ATP2B1: variants seen among roughly 807,000 people sequenced by gnomAD.
ATP2B1 encodes plasma membrane calcium-transporting ATPase 1.
Under a neutral mutation model 124.2 loss-of-function variants are expected in ATP2B1, and 14 were observed. The observed-to-expected ratio is 0.11, with a 90% CI of 0.07 to 0.18. The LOEUF is 0.18. Ranked by LOEUF, ATP2B1 falls within the 10% of genes least tolerant of loss-of-function variation. The pLI, the probability that ATP2B1 is intolerant of heterozygous loss-of-function variation, is 1.00. For synonymous variants in ATP2B1, 449 were observed against 492.4 expected (o/e 0.91, Z 1.17); for missense variants, 763 against 1,466.1 (o/e 0.52, Z 7.83).
At chr12:89,693,095 C>A (rs1022794467) in intron 1 of ATP2B1, among the ~76,000 whole-genome samples, 2 of 152,148 alleles carry the variant, frequency 1.3e-5, no homozygotes, top group Non-Finnish European at 2.9e-5. Flanking sequence ...ACTGTTATTT[C>A]AGAATTAAGT....
intron 1 of ATP2B1, among the ~76,000 whole-genome samples, chr12:89,671,713 T>C (rs1386778950): frequency 1.3e-5 from 2 of 151,182 alleles, no homozygotes; most frequent in Non-Finnish European, 2.9e-5. Flanking sequence ...TCCCATGTGG[T>C]AAATCTACAG....
chr12:89,661,379 T>G (rs73198547), intron 1 of ATP2B1, among the ~76,000 whole-genome samples: 7,213 of 152,254 alleles, frequency 0.047, 259 homozygotes, highest in East Asian at 0.098. Flanking sequence ...ATTCTAGAAT[T>G]TAACAGCTAA....
At chr12:89,592,717 A>G (rs988666094) in intron 20 of ATP2B1, among the ~76,000 whole-genome samples, 1 of 152,112 alleles carries the variant, frequency 6.6e-6, no homozygotes, top group African/African-American at 2.4e-5. Context: ...TAGCAATGGT[A>G]CTTGCCTTAC....
At chr12:89,667,760 A>C (rs1295361095) in intron 1 of ATP2B1, among the ~76,000 whole-genome samples, 1 of 152,238 alleles carries the variant, frequency 6.6e-6, no homozygotes, top group East Asian at 1.9e-4. Flanking sequence ...ATGGAAAAAC[A>C]TTCCATGCTC....
chr12:89,646,071 G>C (rs1884405486), intron 2 of ATP2B1, among the ~76,000 whole-genome samples: 1 of 152,078 alleles, frequency 6.6e-6, no homozygotes, highest in Non-Finnish European at 1.5e-5. Context: ...GGATGAAAGG[G>C]AAAGAATGTT....
rs749901420 is a variant in ATP2B1, at chr12:89,609,927, A to T, written c.2442+10T>A. On this transcript the variant is annotated intron_variant, in intron 15 of 20. Transcript: ENST00000428670. The stretch of plus-strand genomic sequence containing the variant: ...ATTACGTTTGGATATTTGAATGAGT[A>T]AATTCTTACCATTGCAAATCCAACA... The T allele has an allele frequency of 6.2e-7, 1 of 1,610,172 alleles. No individual in the cohort carries two copies. Among genetic ancestry groups the T allele is most frequent in the Non-Finnish European group, 8.5e-7 (1 of 1,177,606 alleles).
intron 15 of ATP2B1, among the ~76,000 whole-genome samples, chr12:89,608,107 T>G (rs1214980183): frequency 6.6e-6 from 1 of 152,208 alleles, no homozygotes; most frequent in African/African-American, 2.4e-5. Context: ...ATTCAAGCTT[T>G]AACAAGAGTA....
intron 1 of ATP2B1, among the ~76,000 whole-genome samples, chr12:89,666,744 C>T (rs1293707337): frequency 1.3e-5 from 2 of 152,134 alleles, no homozygotes; most frequent in East Asian, 1.9e-4. Flanking sequence ...ATATGATCCA[C>T]GGACATATCT....
At chr12:89,664,344 A>C (rs962682661) in intron 1 of ATP2B1, among the ~76,000 whole-genome samples, 1 of 152,214 alleles carries the variant, frequency 6.6e-6, no homozygotes. Context: ...TTAATTAAGC[A>C]GAGTATATGA....
chr12:89,709,156 A>AC (rs1892913495), upstream of ATP2B1: 1 of 150,682 alleles, frequency 6.6e-6, no homozygotes, highest in Admixed American at 6.6e-5. Context: ...CCGGGCAGGG[A>AC]CCCCGTCTGC....
At chr12:89,660,260 T>C (rs1886542704) in intron 1 of ATP2B1, among the ~76,000 whole-genome samples, 2 of 152,200 alleles carry the variant, frequency 1.3e-5, no homozygotes, top group Admixed American at 6.5e-5. Flanking sequence ...ACCCAATCTA[T>C]AAGCAACTCA....
chr12:89,634,813 T>G lies in ATP2B1; in HGVS notation c.752A>C (p.Lys251Thr). ...TAAGGGATCCTTATCTAAAGACTTT[T>G]TAACATGATCTGATTCACCAGTCAA... ...SSLTGESDHV[K>T]KSLDKDPLLL... The change falls in exon 5 of 21, where the codon AAA becomes ACA. Residue 251 changes from lysine to threonine, a missense_variant. By Grantham distance (78) the Lys-to-Thr change is moderately conservative. Around this residue, in one of 7 missense-constraint regions of ATP2B1, gnomAD observed 392 missense variants for 776.6 expected, o/e 0.50. Transcript: ENST00000428670. 9 of 1,608,320 alleles carry G rather than the reference T, an allele frequency of 5.6e-6. No homozygotes were observed. The highest frequency in any genetic ancestry group is 7.6e-6 in the Non-Finnish European group (9 of 1,177,996).
intron 1 of ATP2B1, among the ~76,000 whole-genome samples, chr12:89,674,301 T>G (rs1003530060): frequency 6.6e-6 from 1 of 150,558 alleles, no homozygotes; most frequent in African/African-American, 2.4e-5. Flanking sequence ...AGGAAAAAAG[T>G]AGGCATGAAG....
At chr12:89,620,372 G>A in intron 10 of ATP2B1, 132 bp from the exon 11 acceptor site, 2 of 1,189,056 alleles carry the variant, frequency 1.7e-6, no homozygotes, top group Admixed American at 2.8e-5. Context: ...TTTAAAGAAG[G>A]ATATAGAAAA....
intron 11 of ATP2B1, among the ~76,000 whole-genome samples, chr12:89,618,970 T>C (rs914234679): frequency 1.3e-5 from 2 of 152,148 alleles, no homozygotes; most frequent in Admixed American, 1.3e-4. Flanking sequence ...CCCAACTTGC[T>C]CTTAACCAGT....
At chr12:89,681,109 A>G (rs1438937572) in intron 1 of ATP2B1, among the ~76,000 whole-genome samples, 3 of 152,330 alleles carry the variant, frequency 2.0e-5, no homozygotes, top group Non-Finnish European at 2.9e-5. Flanking sequence ...AGCATTTAAT[A>G]TAGTTAATCG....
intron 1 of ATP2B1, among the ~76,000 whole-genome samples, chr12:89,691,271 C>T (rs1484809886): frequency 6.6e-6 from 1 of 152,068 alleles, no homozygotes; most frequent in Non-Finnish European, 1.5e-5. Flanking sequence ...ACAATCAGTC[C>T]TCTTCTAACT....
rs992944575 is a variant in ATP2B1 at position 89,653,344 on chromosome 12, C to T, written c.208+2335G>A. On this transcript the variant is annotated intron_variant, in intron 2 of 20. Transcript: ENST00000428670. ...TCGCTCTGTCGCCCAGGCCGGACTG[C>T]GGACTGCAGTGGCGCAATCTCGGCT... 1.1e-4 allele frequency among the ~76,000 whole-genome samples: 15 copies of T among 131,368 alleles called. No homozygotes were observed. In the South Asian group the frequency reaches 1.9e-3, roughly 16 times the overall value. 86.2% of individuals were successfully genotyped at this position (131,368 alleles called of 152,430 possible).
At chr12:89,695,234 T>G (rs1036781569) in intron 1 of ATP2B1, among the ~76,000 whole-genome samples, 4 of 152,052 alleles carry the variant, frequency 2.6e-5, no homozygotes, top group Admixed American at 2.0e-4. Flanking sequence ...GAATGGGACA[T>G]GTGCACACAC....
Sources: gnomAD v4.1 joint callset for allele counts (sites outside exome capture counted in the v4.1 genomes callset) on GRCh38, gnomAD v4.1.1 for gene constraint, gnomAD v4.1.1 regional missense constraint, MANE v1.5 for transcripts, NCBI Gene and HGNC (gene_info 2026-07-23, HGNC 2026-07-21) for gene names.